Variants in STK33 observed in about 807,000 individuals in gnomAD.
The protein encoded by STK33 is serine/threonine kinase 33, also known as serine/threonine-protein kinase 33.
STK33 carries 52 observed loss-of-function variants against 58.0 expected under a neutral mutation model. The observed-to-expected ratio is 0.90, with a 90% CI of 0.72 to 1.13. The LOEUF (loss-of-function observed/expected upper bound fraction) is 1.13, where lower values mean the gene tolerates loss of function less well. STK33 is among the 50% of genes most tolerant of loss of function. The pLI is 0.00. For synonymous variants in STK33, 215 were observed against 200.1 expected, an observed-to-expected ratio of 1.07 and a Z score of -0.63; for missense variants, 630 against 604.2, an observed-to-expected ratio of 1.04 and a Z score of -0.45.
At chr11:8,525,773 C>G (rs947460492) in intron 1 of STK33, among the ~76,000 whole-genome samples, 1 of 151,876 alleles carries the variant, frequency 6.6e-6, no homozygotes, top group Non-Finnish European at 1.5e-5. Context: ...AAGGAAAAGC[C>G]AAAATGGGAA....
rs1848733218 is a variant in STK33 at position 8,392,666 on chromosome 11, G to A, written c.1389C>T (p.Asn463=). The part of the protein sequence containing the change: ...EKQFPATSKD[N]FDMCSSSFTS... ...TGAAACTTGAACTGCACATATCAAA[G>A]TTGTCCTTACTGGTTGCAGGAAATT... Residue 463 remains asparagine (N), a synonymous_variant, in exon 16 of 16, where the codon AAC becomes AAT. Transcript: ENST00000687296. 3.7e-6 allele frequency: 6 copies of A among 1,614,210 alleles called. No homozygotes were observed. Among genetic ancestry groups the A allele is most frequent in the Non-Finnish European group, 4.2e-6 (5 of 1,180,050 alleles).
At chr11:8,539,986 G>A (rs1045081025) in intron 1 of STK33, among the ~76,000 whole-genome samples, 3 of 152,072 alleles carry the variant, frequency 2.0e-5, no homozygotes, top group African/African-American at 7.2e-5. Context: ...CAGCCATTAT[G>A]GAAAACAGTA....
rs192988212 is a variant in STK33, at chr11:8,521,442, G to C, written c.-465-40828C>G. On this transcript the variant is annotated intron_variant, in intron 1 of 15. Coordinates refer to ENST00000687296, the MANE Select transcript of STK33 (RefSeq NM_001352389.2). ...AGCCATATGTAGAAAGCTGAAACTG[G>C]ATCCCTTCCTTACACCTTACACAAA... Among the ~76,000 whole-genome samples, 275 of 152,284 alleles carry C rather than the reference G, an allele frequency of 1.8e-3. 1 individual carries two copies. The highest frequency in any genetic ancestry group is 0.011 in the East Asian group (56 of 5,186).
chr11:8,523,686 C>A (rs1418896761), intron 1 of STK33, among the ~76,000 whole-genome samples: 1 of 147,526 alleles, frequency 6.8e-6, no homozygotes, highest in African/African-American at 2.4e-5. Context: ...CAGGCAGCCG[C>A]CACTTCCGGG....
chr11:8,451,477 A>G (rs748754850), intron 11 of STK33, among the ~76,000 whole-genome samples: 17 of 152,228 alleles, frequency 1.1e-4, no homozygotes, highest in Non-Finnish European at 1.6e-4. Flanking sequence ...AAAGCAAGCC[A>G]AATGTAAAAG....
the STK33 span, among the ~76,000 whole-genome samples, chr11:8,345,841 G>C: frequency 6.6e-6 from 1 of 152,196 alleles, no homozygotes. Flanking sequence ...AGATGGTAGA[G>C]ACCGCTCTTA....
chr11:8,566,951 C>T (rs975313551), intron 1 of STK33, among the ~76,000 whole-genome samples: 1 of 152,020 alleles, frequency 6.6e-6, no homozygotes, highest in African/African-American at 2.4e-5. Context: ...CAAGCCTGGG[C>T]AACATGGTGA....
intron 1 of STK33, among the ~76,000 whole-genome samples, chr11:8,551,761 A>G: frequency 6.6e-6 from 1 of 152,180 alleles, no homozygotes; most frequent in East Asian, 1.9e-4. Context: ...TTCCTAATCT[A>G]GGAAAAACAT....
intron 1 of STK33, among the ~76,000 whole-genome samples, chr11:8,573,998 T>C (rs1334144597): frequency 6.6e-6 from 1 of 152,166 alleles, no homozygotes; most frequent in Non-Finnish European, 1.5e-5. Flanking sequence ...ACAGTGATGG[T>C]TACACAAAGT....
intron 1 of STK33, among the ~76,000 whole-genome samples, chr11:8,530,624 A>G (rs914453423): frequency 1.3e-5 from 2 of 152,178 alleles, no homozygotes. Context: ...CAAACTTAAT[A>G]GGATGCCGTG....
intron 1 of STK33, among the ~76,000 whole-genome samples, chr11:8,494,543 G>C (rs1950895390): frequency 6.6e-6 from 1 of 152,160 alleles, no homozygotes; most frequent in Non-Finnish European, 1.5e-5. Context: ...TAGATTCAAT[G>C]CCATCCCCAT....
intron 10 of STK33, among the ~76,000 whole-genome samples, chr11:8,453,940 T>A (rs1055201608): frequency 5.3e-5 from 8 of 152,192 alleles, no homozygotes; most frequent in Non-Finnish European, 1.2e-4. Flanking sequence ...CCAACTTAGT[T>A]CTTTGGAGAG....
intron 11 of STK33, among the ~76,000 whole-genome samples, chr11:8,447,403 C>G (rs1945639018): frequency 6.6e-6 from 1 of 152,116 alleles, no homozygotes; most frequent in Non-Finnish European, 1.5e-5. Flanking sequence ...TACTGGCAAA[C>G]CAAATCCAGC....
chr11:8,400,574 C>G (rs571954164), intron 15 of STK33, among the ~76,000 whole-genome samples: 1 of 152,142 alleles, frequency 6.6e-6, no homozygotes, highest in African/African-American at 2.4e-5. Flanking sequence ...CAGGGATGCC[C>G]TCTCTCACCA....
At chr11:8,484,431 T>C (rs1950062300) in intron 1 of STK33, among the ~76,000 whole-genome samples, 1 of 152,140 alleles carries the variant, frequency 6.6e-6, no homozygotes, top group Non-Finnish European at 1.5e-5. Context: ...CAAATTGCCA[T>C]ATAATTAGCT....
chr11:8,419,809 C>T (rs1220481046), intron 14 of STK33, among the ~76,000 whole-genome samples: 3 of 151,960 alleles, frequency 2.0e-5, no homozygotes, highest in Non-Finnish European at 4.4e-5. Context: ...AAAGTATCTA[C>T]ATAAAAATGT....
chr11:8,544,204 C>T (rs1479163594), intron 1 of STK33, among the ~76,000 whole-genome samples: 1 of 151,372 alleles, frequency 6.6e-6, no homozygotes, highest in Non-Finnish European at 1.5e-5. Context: ...TGTTCCCCTT[C>T]CTGTGTCCAT....
chr11:8,516,964 G>A (rs935368848), intron 1 of STK33, among the ~76,000 whole-genome samples: 21 of 152,208 alleles, frequency 1.4e-4, no homozygotes. Flanking sequence ...GTCCCTGTGT[G>A]ATGGCTTTGA....
At chr11:8,546,262 T>A (rs1395743424) in intron 1 of STK33, among the ~76,000 whole-genome samples, 1 of 152,204 alleles carries the variant, frequency 6.6e-6, no homozygotes, top group Non-Finnish European at 1.5e-5. Flanking sequence ...AATTTATTTT[T>A]AAAACTTTTT....
Sources: allele counts gnomAD v4.1 joint callset (sites outside exome capture counted in the v4.1 genomes callset), GRCh38; gene constraint gnomAD v4.1.1; transcripts MANE v1.5; gene names NCBI Gene and HGNC (gene_info 2026-07-23, HGNC 2026-07-21).